The following PLPPR3 variants were observed in gnomAD, a reference collection of about 807,000 sequenced individuals.
PLPPR3 encodes the protein phospholipid phosphatase-related protein type 3.
A neutral mutation model predicts 27.3 loss-of-function variants in PLPPR3; 14 were observed. The ratio of observed to expected loss-of-function variants is 0.51; its 90% CI spans 0.34 to 0.80. The LOEUF is 0.80. Among genes scored for constraint, PLPPR3 ranks in the 30% least tolerant of loss-of-function variants. PLPPR3 has a pLI of 0.01. For missense variants in PLPPR3, 1,287 were observed against 1,056.9 expected (o/e 1.22, Z -3.02); for synonymous variants, 671 against 508.0 (o/e 1.32, Z -4.32).
intron 2 of PLPPR3, among the ~76,000 whole-genome samples, chr19:816,706 T>TCCATCCACCCACCCAC (rs1219498021): frequency 7.4e-6 from 1 of 135,032 alleles, no homozygotes; most frequent in African/African-American, 2.8e-5. Context: ...CACCCAACCG[T>TCCATCCACCCACCCAC]CCATCCATCC....
At position 814,472 on chromosome 19, in the gene PLPPR3, C is replaced by T. The variant is rs774252862; in HGVS notation, c.793G>A (p.Ala265Thr). Reference sequence around the variant, plus strand: ...ATGCCCGCCCCGATGAGGAAGCCGGCATACACGTCCACAGGGTGGCTGCGG... The same window carrying T: ...ATGCCCGCCCCGATGAGGAAGCCGGTATACACGTCCACAGGGTGGCTGCGG... ...QYRSHPVDVY[A>T]GFLIGAGIAA... The change falls in exon 7 of 8, where the codon GCC (alanine) becomes ACC (threonine). Residue 265 changes from alanine (A) to threonine (T), a missense_variant. By Grantham distance (58) the Ala-to-Thr change is moderately conservative (BLOSUM62 0). Coordinates refer to ENST00000520876, the MANE Select transcript of PLPPR3 (RefSeq NM_001270366.2). 2 of 1,608,328 alleles carry T rather than the reference C, an allele frequency of 1.2e-6. No individual in the cohort carries two copies. The highest frequency in any genetic ancestry group is 4.5e-5 in the East Asian group (2 of 44,840).
rs958380808 is a variant in PLPPR3, at chr19:813,333, G to C, written c.1394C>G (p.Pro465Arg). The change falls in exon 8 of 8, where the codon CCG becomes CGG. Residue 465 changes from proline to arginine, a missense_variant. Coordinates refer to ENST00000520876, the MANE Select transcript of PLPPR3 (RefSeq NM_001270366.2). This position sits in a 1 kb window ranked among gnomAD's most constrained non-coding sequence, Gnocchi z 4.1. Reference protein sequence around the residue: ...EEEEEDEGPAPPSLYPTVQAR... With the variant: ...EEEEEDEGPARPSLYPTVQAR... ...CTGCACGGTGGGGTAGAGCGAGGGCGGGGCCGGGCCCTCGTCCTCCTCCTC... is the reference window on the plus strand; with the variant it reads ...CTGCACGGTGGGGTAGAGCGAGGGCCGGGCCGGGCCCTCGTCCTCCTCCTC... 112 of 1,471,186 alleles carry C rather than the reference G, an allele frequency of 7.6e-5. 1 individual carries two copies. Among genetic ancestry groups the C allele is most frequent in the Non-Finnish European group, 9.1e-5 (102 of 1,121,186 alleles). The allele number at this position is 1,471,186 out of a possible 1,614,324, so 91.1% of individuals were successfully genotyped here.
chr19:819,948 C>T (rs1164787299), intron 2 of PLPPR3, among the ~76,000 whole-genome samples: 4 of 151,860 alleles, frequency 2.6e-5, no homozygotes, highest in Non-Finnish European at 5.9e-5. Context: ...CTCAAGTCAT[C>T]CTCCATCTCA....
rs891392848 is a variant in PLPPR3 at position 813,268 on chromosome 19, G to A, written c.1459C>T (p.Arg487Cys). 6.8e-7 allele frequency: 1 copy of A among 1,472,622 alleles called. No individual in the cohort carries two copies. The highest frequency in any genetic ancestry group is 2.8e-5 in the East Asian group (1 of 35,700). 91.2% of individuals were successfully genotyped at this position (1,472,622 alleles called of 1,614,324 possible). Residue 487 changes from arginine to cysteine, a missense_variant, in exon 8 of 8, where the codon CGC (arginine) becomes TGC (cysteine). Transcript: ENST00000520876. This position sits in a 1 kb window ranked among gnomAD's most constrained non-coding sequence, Gnocchi z 4.1. ...GLGPRVILPP[R>C]AGPPPLVHIP... ...TGCACCAGCGGCGGCGGCCCCGCGC[G>A]CGGTGGGAGGATGACCCGAGGCCCC...
chr19:821,813 C>G, intron 1 of PLPPR3, 102 bp downstream of exon 1: 1 of 292,914 alleles, frequency 3.4e-6, no homozygotes, highest in Non-Finnish European at 6.2e-6. Context: ...GGTCTCCGGG[C>G]GGGAGCCAGT....
chr19:812,860 C>T lies in PLPPR3; in HGVS notation c.1867G>A (p.Asp623Asn), dbSNP rs1017578898. ...CCGCCGCGGAAGCCGCGCGCCAGGT[C>T]CCCCAGCTCGTAGCCGCCGTCGGCC... ...AEADGGYELG[D>N]LARGFRGGAK... is the part of the protein sequence containing the mutation. The change falls in exon 8 of 8, where the codon GAC becomes AAC. Residue 623 changes from aspartate to asparagine, a missense_variant. Coordinates refer to ENST00000520876, the MANE Select transcript of PLPPR3 (RefSeq NM_001270366.2). 1.7e-6 allele frequency: 2 copies of T among 1,167,652 alleles called. No individual in the cohort carries two copies. Among genetic ancestry groups the T allele is most frequent in the East Asian group, 4.9e-5 (1 of 20,210 alleles). 72.3% of individuals were successfully genotyped at this position (1,167,652 alleles called of 1,614,324 possible).
intron 2 of PLPPR3, among the ~76,000 whole-genome samples, chr19:816,796 C>T (rs1775281163): frequency 7.6e-6 from 1 of 131,378 alleles, no homozygotes; most frequent in African/African-American, 3.2e-5. Flanking sequence ...ACCCATGCAC[C>T]CAACAGTACC....
At position 813,764 on chromosome 19, in the gene PLPPR3, C is replaced by T; in HGVS notation, c.963G>A (p.Val321=). The part of the protein sequence containing the change: ...HDSVYQQNKS[V]STDELGPPGR... ...CTGGGGGCCCCAGCTCGTCGGTGCT[C>T]ACCGACTTATTCTGCTGATAAACCG... Residue 321 remains valine, a synonymous_variant, in exon 8 of 8, where the codon GTG becomes GTA. Coordinates refer to ENST00000520876, the MANE Select transcript of PLPPR3 (RefSeq NM_001270366.2). The surrounding 1 kb of genome is among the most constrained non-coding windows in gnomAD (Gnocchi z 4.1). 1.3e-6 allele frequency: 2 copies of T among 1,528,178 alleles called. No individual in the cohort carries two copies. The highest frequency in any genetic ancestry group is 1.7e-6 in the Non-Finnish European group (2 of 1,143,388). 94.7% of individuals were successfully genotyped at this position (1,528,178 alleles called of 1,614,324 possible).
At position 820,898 on chromosome 19, in the gene PLPPR3, C is replaced by T. The variant is rs779220322; in HGVS notation, c.75+587G>A. On this transcript the variant is annotated intron_variant, in intron 2 of 7. Coordinates refer to ENST00000520876, the MANE Select transcript of PLPPR3 (RefSeq NM_001270366.2). ...GTCTTGAACTCCTGACCTAGGTGAT[C>T]CACCCGCCTTGGCCTCCCAAAGTGC... Among the ~76,000 whole-genome samples, 324 of 151,712 alleles carry T rather than the reference C, an allele frequency of 2.1e-3. 1 individual carries two copies. Among genetic ancestry groups the T allele is most frequent in the Non-Finnish European group, 3.6e-3 (242 of 67,844 alleles).
intron 5 of PLPPR3, 40 bp from the exon 6 acceptor site, chr19:814,789 A>AC: frequency 6.4e-7 from 1 of 1,557,686 alleles, no homozygotes; most frequent in Non-Finnish European, 8.6e-7. Context: ...CCACCTGGGG[A>AC]CCCCAGCTCC....
Position 813,539 on chromosome 19 carries a change from G to A in PLPPR3, c.1188C>T (p.His396=), listed in dbSNP as rs1304657531. 2 of 1,562,984 alleles carry A rather than the reference G, an allele frequency of 1.3e-6. No individual in the cohort carries two copies. Among genetic ancestry groups the A allele is most frequent in the Admixed American group, 1.9e-5 (1 of 53,742 alleles). ...DDPARRHMTI[H]VPLDASRSKQ... is the part of the protein sequence containing the mutation. ...TGGAGCGCGAGGCGTCCAGCGGCAC[G>A]TGGATGGTCATGTGGCGGCGCGCGG... Residue 396 remains histidine, a synonymous_variant, in exon 8 of 8, where the codon CAC becomes CAT. Coordinates refer to ENST00000520876, the MANE Select transcript of PLPPR3 (RefSeq NM_001270366.2). This position sits in a 1 kb window ranked among gnomAD's most constrained non-coding sequence, Gnocchi z 4.1.
rs766195811 is a variant in PLPPR3 at position 812,962 on chromosome 19, G to C, written c.1765C>G (p.His589Asp). The C allele has an allele frequency of 8.9e-6, 13 of 1,458,322 alleles. No homozygotes were observed. Among genetic ancestry groups the C allele is most frequent in the African/African-American group, 1.5e-5 (1 of 66,740 alleles). The allele number at this position is 1,458,322 out of a possible 1,614,324, so 90.3% of individuals were successfully genotyped here. The change falls in exon 8 of 8, where the codon CAC (histidine) becomes GAC (aspartate). Residue 589 changes from histidine to aspartate, a missense_variant. Physicochemically the swap from His to Asp is moderately conservative, Grantham distance 81 (BLOSUM62 -1). Coordinates refer to ENST00000520876, the MANE Select transcript of PLPPR3 (RefSeq NM_001270366.2). Reference protein sequence around the residue: ...SIVTIDAHAPHHPVVHLSAGG... With the variant: ...SIVTIDAHAPDHPVVHLSAGG... ...GCCGACAGGTGCACCACGGGGTGGT[G>C]CGGCGCGTGCGCGTCGATGGTCACG...
At position 812,967 on chromosome 19, in the gene PLPPR3, G is replaced by A. The variant is rs2034961712; in HGVS notation, c.1760C>T (p.Ala587Val). ...SASIVTIDAH[A>V]PHHPVVHLSA... ...CAGGTGCACCACGGGGTGGTGCGGC[G>A]CGTGCGCGTCGATGGTCACGATGCT... The change falls in exon 8 of 8, where the codon GCG becomes GTG. Residue 587 changes from alanine to valine, a missense_variant. Ala to Val is a moderately conservative substitution (Grantham distance 64). Transcript: ENST00000520876. 2.7e-6 allele frequency: 4 copies of A among 1,474,714 alleles called. No homozygotes were observed. Among genetic ancestry groups the A allele is most frequent in the South Asian group, 1.2e-5 (1 of 80,526 alleles). The allele number at this position is 1,474,714 out of a possible 1,614,324, so 91.4% of individuals were successfully genotyped here. A position where few individuals can be genotyped will look rare whatever the true frequency, so the allele number is the denominator to read the frequency against.
Position 821,526 on chromosome 19 carries a change from T to C in PLPPR3, c.34A>G (p.Lys12Glu), listed in dbSNP as rs1273431382. ...ISTKEKNKIP[K>E]DSMTLLPCFY... ...CAGGGCAGAAGCGTCATGCTGTCCT[T>C]CGGGATCTTGTTCTTCTCCTTGGTG... The change falls in exon 2 of 8, where the codon AAG becomes GAG. Residue 12 changes from lysine to glutamate, a missense_variant. By Grantham distance (56) the Lys-to-Glu change is moderately conservative. Transcript: ENST00000520876. 6.6e-7 allele frequency: 1 copy of C among 1,507,654 alleles called. No homozygotes were observed. Among genetic ancestry groups the C allele is most frequent in the Admixed American group, 2.1e-5 (1 of 47,124 alleles). 93.4% of individuals were successfully genotyped at this position (1,507,654 alleles called of 1,614,324 possible).
In PLPPR3 at chr19:813,662, G is replaced by C; in HGVS notation, c.1065C>G (p.Asp355Glu). ...GGCTGCGCGGGGCCAGCAGGTCCAC[G>C]TCCACGCTGGCGCGCTTCAGGCTGC... ...SLGSLKRASVDVDLLAPRSPM... is the reference protein window; with the variant it reads ...SLGSLKRASVEVDLLAPRSPM... Residue 355 changes from aspartate to glutamate, a missense_variant, in exon 8 of 8, where the codon GAC becomes GAG. Asp to Glu is a conservative substitution (Grantham distance 45, BLOSUM62 2). Transcript: ENST00000520876. The surrounding 1 kb of genome is among the most constrained non-coding windows in gnomAD (Gnocchi z 4.1). The C allele has an allele frequency of 6.5e-7, 1 of 1,535,712 alleles. No homozygotes were observed. The highest frequency in any genetic ancestry group is 1.2e-5 in the South Asian group (1 of 83,912).
rs775110352 is a variant in PLPPR3, at chr19:813,123, C to T, written c.1604G>A (p.Arg535Gln). Residue 535 changes from arginine to glutamine, a missense_variant, in exon 8 of 8, where the codon CGG becomes CAG. Physicochemically the swap from Arg to Gln is conservative, Grantham distance 43 (BLOSUM62 1). Coordinates refer to ENST00000520876, the MANE Select transcript of PLPPR3 (RefSeq NM_001270366.2). This position sits in a 1 kb window ranked among gnomAD's most constrained non-coding sequence, Gnocchi z 4.1. ...KSGAAVANPP[R>Q]LLQVIAMSKA... Reference sequence around the variant, plus strand: ...GGACATGGCGATGACCTGCAGCAGCCGCGGAGGGTTGGCCACTGCCGCCCC... The same window carrying T: ...GGACATGGCGATGACCTGCAGCAGCTGCGGAGGGTTGGCCACTGCCGCCCC... 1.3e-6 allele frequency: 2 copies of T among 1,506,638 alleles called. No individual in the cohort carries two copies. Among genetic ancestry groups the T allele is most frequent in the African/African-American group, 2.9e-5 (2 of 68,492 alleles). The allele number at this position is 1,506,638 out of a possible 1,614,324, so 93.3% of individuals were successfully genotyped here. A position where few individuals can be genotyped will look rare whatever the true frequency, so the allele number is the denominator to read the frequency against.
At chr19:819,147 T>A (rs1213007639) in intron 2 of PLPPR3, among the ~76,000 whole-genome samples, 1 of 105,450 alleles carries the variant, frequency 9.5e-6, no homozygotes, top group Non-Finnish European at 1.8e-5. Flanking sequence ...GGGCTAATTT[T>A]TGTATTTTTA....
rs577306114 is a variant in PLPPR3, at chr19:818,028, C to T, written c.76-2177G>A. 1.5e-4 allele frequency among the ~76,000 whole-genome samples: 23 copies of T among 152,170 alleles called. 1 individual carries two copies. In the East Asian group the frequency reaches 3.1e-3, roughly 20 times the overall value. Reference sequence around the variant, plus strand: ...CATTATCAGCATGATTTTGCTGGGGCGGGCAGACAGCATCAAGCCCGGGGA... The same window carrying T: ...CATTATCAGCATGATTTTGCTGGGGTGGGCAGACAGCATCAAGCCCGGGGA... On this transcript the variant is annotated intron_variant, in intron 2 of 7. Coordinates refer to ENST00000520876, the MANE Select transcript of PLPPR3 (RefSeq NM_001270366.2).
In PLPPR3 at chr19:813,713, G is replaced by C. The variant is rs1236817207; in HGVS notation, c.1014C>G (p.Pro338=). The change falls in exon 8 of 8, where the codon CCC becomes CCG. Residue 338 remains proline, a synonymous_variant. Transcript: ENST00000520876. This position sits in a 1 kb window ranked among gnomAD's most constrained non-coding sequence, Gnocchi z 4.1. ...CCAGCGAGGTCTTCTCGCGGGCCAC[G>C]GGCCGGGGCGCGCCCTCCAGCCGCC... ...PPGRLEGAPR[P]VAREKTSLGS... is the part of the protein sequence containing the mutation. 2 of 1,525,480 alleles carry C rather than the reference G, an allele frequency of 1.3e-6. No individual in the cohort carries two copies. Among genetic ancestry groups the C allele is most frequent in the Non-Finnish European group, 1.8e-6 (2 of 1,142,100 alleles). 94.5% of individuals were successfully genotyped at this position (1,525,480 alleles called of 1,614,324 possible). A position where few individuals can be genotyped will look rare whatever the true frequency, so the allele number is the denominator to read the frequency against.
Sources: allele counts gnomAD v4.1 joint callset (sites outside exome capture counted in the v4.1 genomes callset), GRCh38; gene constraint gnomAD v4.1.1; non-coding constraint Gnocchi (gnomAD v3.1); transcripts MANE v1.5; gene names NCBI Gene and HGNC (gene_info 2026-07-23, HGNC 2026-07-21).